Variants in SGCZ observed in about 807,000 individuals in gnomAD.
SGCZ encodes sarcoglycan zeta, also known as zeta-sarcoglycan.
SGCZ carries 40 observed loss-of-function variants against 41.3 expected under a neutral mutation model. The ratio of observed to expected loss-of-function variants is 0.97; its 90% CI spans 0.75 to 1.26. The LOEUF (loss-of-function observed/expected upper bound fraction) is 1.26, where lower values mean the gene tolerates loss of function less well. Among genes scored for constraint, SGCZ ranks in the 50% most tolerant of loss-of-function variants. The pLI is 0.00. For missense variants in SGCZ, 552 were observed against 369.8 expected (o/e 1.49, Z -4.04); for synonymous variants, 206 against 137.5 (o/e 1.50, Z -3.49).
At chr8:14,479,550 C>A (rs1208504881) in intron 2 of SGCZ, among the ~76,000 whole-genome samples, 1 of 152,040 alleles carries the variant, frequency 6.6e-6, no homozygotes, top group African/African-American at 2.4e-5. Context: ...GCAGTATTAA[C>A]CATCACACCT....
intron 2 of SGCZ, among the ~76,000 whole-genome samples, chr8:14,333,048 G>GA (rs1203090259): frequency 1.3e-5 from 2 of 151,640 alleles, no homozygotes; most frequent in Non-Finnish European, 2.9e-5. Context: ...ATATTTTTGA[G>GA]AAAAAAATAT....
At position 14,086,632 on chromosome 8, in the gene SGCZ, A is replaced by T. The variant is rs1389100340; in HGVS notation, c.*3811T>A. 1.3e-5 allele frequency among the ~76,000 whole-genome samples: 2 copies of T among 151,772 alleles called. No individual in the cohort carries two copies. Among genetic ancestry groups the T allele is most frequent in the Non-Finnish European group, 3.0e-5 (2 of 67,796 alleles). On this transcript the variant is annotated 3_prime_UTR_variant, in exon 8 of 8. Transcript: ENST00000382080. ...TAAACAGTCATTTTGAATAAGATCC[A>T]AATGCATTATTTTCCTTTTTAACGT...
At chr8:15,076,770 T>G (rs1266953797) in intron 1 of SGCZ, among the ~76,000 whole-genome samples, 1 of 150,434 alleles carries the variant, frequency 6.6e-6, no homozygotes, top group Non-Finnish European at 1.5e-5. Context: ...TTTTTTTTTT[T>G]GCTTCCCTCC....
intron 2 of SGCZ, among the ~76,000 whole-genome samples, chr8:14,523,839 T>C (rs1802861230): frequency 6.6e-6 from 1 of 152,142 alleles, no homozygotes. Context: ...ATCTATTGTT[T>C]GAATTGCATG....
At chr8:14,479,964 C>G (rs961361663) in intron 2 of SGCZ, among the ~76,000 whole-genome samples, 1 of 152,046 alleles carries the variant, frequency 6.6e-6, no homozygotes, top group Non-Finnish European at 1.5e-5. Context: ...AGGCTAGTCT[C>G]GAATTCCTGA....
chr8:14,977,304 A>G (rs1048436003), intron 1 of SGCZ, among the ~76,000 whole-genome samples: 1 of 152,226 alleles, frequency 6.6e-6, no homozygotes, highest in African/African-American at 2.4e-5. Context: ...CATGGAGAAC[A>G]GAGCTTGGTC....
At chr8:14,166,252 A>T (rs1427741680) in intron 4 of SGCZ, among the ~76,000 whole-genome samples, 1 of 152,188 alleles carries the variant, frequency 6.6e-6, no homozygotes, top group Non-Finnish European at 1.5e-5. Flanking sequence ...TTCCTTATAT[A>T]ATTTAATGAA....
intron 5 of SGCZ, among the ~76,000 whole-genome samples, chr8:14,110,209 A>G (rs1802330552): frequency 6.6e-6 from 1 of 152,142 alleles, no homozygotes; most frequent in African/African-American, 2.4e-5. Context: ...ACATTTGTAT[A>G]TCTCAAAGAG....
At chr8:14,217,384 T>C (rs1806036640) in intron 4 of SGCZ, among the ~76,000 whole-genome samples, 1 of 149,594 alleles carries the variant, frequency 6.7e-6, no homozygotes, top group African/African-American at 2.5e-5. Context: ...ACTGGTTAAA[T>C]CTAAAGAAAC....
chr8:14,378,904 T>G (rs577684662), intron 2 of SGCZ, among the ~76,000 whole-genome samples: 145 of 152,302 alleles, frequency 9.5e-4, no homozygotes, highest in African/African-American at 3.4e-3. Flanking sequence ...AATCTTTATT[T>G]GACTTATAAG....
chr8:14,558,607 A>AGAGAGAGAGAGAGAGAGAGAGG (rs1804109372), intron 1 of SGCZ, among the ~76,000 whole-genome samples: 1 of 143,520 alleles, frequency 7.0e-6, no homozygotes, highest in Non-Finnish European at 1.5e-5. Context: ...AGAGAGAGAG[A>AGAGAGAGAGAGAGAGAGAGAGG]GAGAGAATCT....
At chr8:15,040,341 G>C (rs1462076122) in intron 1 of SGCZ, among the ~76,000 whole-genome samples, 5 of 152,100 alleles carry the variant, frequency 3.3e-5, no homozygotes, top group Admixed American at 1.3e-4. Context: ...CGTTGGCCGC[G>C]AGGTGGCTCA....
chr8:14,954,126 A>G (rs1382292746), intron 1 of SGCZ, among the ~76,000 whole-genome samples: 1 of 152,220 alleles, frequency 6.6e-6, no homozygotes, highest in Non-Finnish European at 1.5e-5. Flanking sequence ...TATCAGATAG[A>G]TGCATAATGT....
intron 1 of SGCZ, among the ~76,000 whole-genome samples, chr8:15,019,008 C>T (rs1803149420): frequency 6.6e-6 from 1 of 152,294 alleles, no homozygotes; most frequent in East Asian, 1.9e-4. Flanking sequence ...GCAGGAAGTG[C>T]TACACACTTT....
intron 4 of SGCZ, among the ~76,000 whole-genome samples, chr8:14,171,151 A>T (rs1250996790): frequency 0.055 from 7 of 128 alleles, no homozygotes; most frequent in South Asian, 0.5. Flanking sequence ...TGTTTCATTA[A>T]AAAAAAAAAA....
At chr8:14,828,327 C>A (rs78761806) in intron 1 of SGCZ, among the ~76,000 whole-genome samples, 4,284 of 152,216 alleles carry the variant, frequency 0.028, 173 homozygotes, top group African/African-American at 0.089. Flanking sequence ...TATTTGTATC[C>A]TAATTGAAGA....
intron 1 of SGCZ, among the ~76,000 whole-genome samples, chr8:14,821,833 G>T (rs1173678980): frequency 1.3e-5 from 2 of 151,928 alleles, no homozygotes; most frequent in East Asian, 1.9e-4. Context: ...AGGCCATACG[G>T]GACAAATCCA....
chr8:14,092,634 C>A (rs776360319), intron 7 of SGCZ, among the ~76,000 whole-genome samples: 3 of 151,924 alleles, frequency 2.0e-5, no homozygotes, highest in Non-Finnish European at 4.4e-5. Context: ...ACAAGTCTGA[C>A]AAGATCTGAT....
At chr8:14,840,062 G>A (rs778643669) in intron 1 of SGCZ, among the ~76,000 whole-genome samples, 18 of 151,844 alleles carry the variant, frequency 1.2e-4, no homozygotes, top group East Asian at 3.9e-4. Flanking sequence ...ACCCTTAGTC[G>A]TAACATTTAA....
Sources: allele counts gnomAD v4.1 joint callset (sites outside exome capture counted in the v4.1 genomes callset), GRCh38; gene constraint gnomAD v4.1.1; transcripts MANE v1.5; gene names NCBI Gene and HGNC (gene_info 2026-07-23, HGNC 2026-07-21).